Variants in ASPH observed in about 807,000 individuals in gnomAD.
The protein encoded by ASPH is aspartate beta-hydroxylase.
A neutral mutation model predicts 118.4 loss-of-function variants in ASPH; 100 were observed. The observed-to-expected ratio is 0.84, with a 90% confidence interval of 0.72 to 1.00. The LOEUF (loss-of-function observed/expected upper bound fraction) is 1.00. Ranked by LOEUF, ASPH falls within the 50% of genes least tolerant of loss-of-function variation. ASPH has a pLI of 0.00. For synonymous variants in ASPH, 315 were observed against 325.6 expected, an observed-to-expected ratio of 0.97 and a Z score of 0.35; for missense variants, 920 against 919.5, an observed-to-expected ratio of 1.00 and a Z score of -0.01.
At chr8:61,684,241 C>T (rs766105506) in intron 1 of ASPH, 53 bp from the exon 2 acceptor site, 1 of 1,513,770 alleles carries the variant, frequency 6.6e-7, no homozygotes, top group Non-Finnish European at 8.9e-7. Flanking sequence ...TTACTGAACA[C>T]TTATTCTCAC....
intron 13 of ASPH, among the ~76,000 whole-genome samples, chr8:61,619,978 G>A (rs754536115): frequency 1.3e-5 from 2 of 152,092 alleles, no homozygotes; most frequent in East Asian, 1.9e-4. Flanking sequence ...TCAGGGATGC[G>A]GTCAAGTGAA....
intron 14 of ASPH, among the ~76,000 whole-genome samples, chr8:61,615,232 C>G (rs534304440): frequency 2.4e-3 from 365 of 152,272 alleles, no homozygotes; most frequent in African/African-American, 7.8e-3. Context: ...CCCTGAGGAC[C>G]ATGAGAATGC....
chr8:61,660,730 T>C (rs1261164452), intron 3 of ASPH: 2 of 152,164 alleles, frequency 1.3e-5, no homozygotes, highest in Non-Finnish European at 2.9e-5. Flanking sequence ...CCAAAGAAAT[T>C]CTGGAGAACA....
chr8:61,665,634 A>G (rs1819195936), intron 3 of ASPH: 1 of 1,538,036 alleles, frequency 6.5e-7, no homozygotes, highest in African/African-American at 1.4e-5. Context: ...TAAAGGAAAA[A>G]ATGTTTATTG....
intron 3 of ASPH, chr8:61,665,194 T>C (rs1588906403): frequency 1.3e-6 from 2 of 1,520,836 alleles, no homozygotes; most frequent in Admixed American, 2.3e-5. Context: ...CCATGCTTTT[T>C]TGTAACAAAC....
chr8:61,651,423 C>A, intron 4 of ASPH: 1 of 259,522 alleles, frequency 3.9e-6, no homozygotes, highest in South Asian at 1.2e-4. Context: ...AGCAAAATGA[C>A]TTGTTTCTAA....
intron 14 of ASPH, 92 bp from the exon 15 acceptor site, chr8:61,584,121 C>T: frequency 1.3e-6 from 1 of 766,052 alleles, no homozygotes; most frequent in Admixed American, 3.0e-5. Flanking sequence ...AAACCTGATG[C>T]TGGTCTCCAC....
In ASPH at chr8:61,503,301, A is replaced by T; in HGVS notation, c.*58T>A. The T allele has an allele frequency of 6.5e-7, 1 of 1,544,278 alleles. No individual in the cohort carries two copies. The stretch of plus-strand genomic sequence containing the variant: ...CGAAATTCTATCCTCACACCCAAGG[A>T]GATGGAACCAGAAAGGCAGCCTCTC... On this transcript the variant is annotated 3_prime_UTR_variant, in exon 25 of 25. Transcript: ENST00000379454.
intron 16 of ASPH, among the ~76,000 whole-genome samples, chr8:61,570,520 A>T (rs1833166899): frequency 6.6e-6 from 1 of 152,222 alleles, no homozygotes; most frequent in Non-Finnish European, 1.5e-5. Flanking sequence ...GAGAGATAGT[A>T]TAATCTGTAT....
At chr8:61,515,538 C>G (rs1810587418) in intron 24 of ASPH, among the ~76,000 whole-genome samples, 1 of 152,160 alleles carries the variant, frequency 6.6e-6, no homozygotes, top group Non-Finnish European at 1.5e-5. Context: ...TCTCAAGCTT[C>G]CTCTAGAAGT....
intron 14 of ASPH, among the ~76,000 whole-genome samples, chr8:61,611,282 C>T (rs1356754216): frequency 6.6e-6 from 1 of 152,224 alleles, no homozygotes; most frequent in Non-Finnish European, 1.5e-5. Context: ...CTTGTATACT[C>T]TCATAATGCA....
chr8:61,614,780 G>A (rs1848503201), intron 14 of ASPH, among the ~76,000 whole-genome samples: 1 of 152,094 alleles, frequency 6.6e-6, no homozygotes, highest in Non-Finnish European at 1.5e-5. Flanking sequence ...ATTAGCCACT[G>A]TGCCTGGCCA....
intron 21 of ASPH, among the ~76,000 whole-genome samples, chr8:61,538,136 A>C (rs1055394820): frequency 1.3e-5 from 2 of 152,234 alleles, no homozygotes; most frequent in Admixed American, 1.3e-4. Context: ...AGATAAAAAA[A>C]CAAAAAACAA....
chr8:61,580,126 C>T (rs1240783604), intron 15 of ASPH, among the ~76,000 whole-genome samples: 1 of 152,022 alleles, frequency 6.6e-6, no homozygotes, highest in Admixed American at 6.6e-5. Context: ...AGGGTACAGT[C>T]CCCCTCCCAG....
intron 3 of ASPH, among the ~76,000 whole-genome samples, chr8:61,655,323 C>G (rs1392258439): frequency 6.6e-6 from 1 of 152,134 alleles, no homozygotes; most frequent in Non-Finnish European, 1.5e-5. Flanking sequence ...TACCAGAGAT[C>G]CGTATTTCTG....
intron 19 of ASPH, among the ~76,000 whole-genome samples, chr8:61,555,588 C>T (rs955563171): frequency 3.5e-4 from 53 of 152,270 alleles, no homozygotes; most frequent in African/African-American, 1.1e-3. Flanking sequence ...CCACCACACC[C>T]GGCCTATTGT....
At position 61,562,928 on chromosome 8, in the gene ASPH, T is replaced by C. The variant is rs751381891; in HGVS notation, c.1301-48A>G. On this transcript the variant is annotated intron_variant, in intron 17 of 24. Coordinates refer to ENST00000379454, the MANE Select transcript of ASPH (RefSeq NM_004318.4). ...AAAATAGAAATAAAAACAGATTATG[T>C]ACACTTTTGTATTGAGAATGTAAGT... The C allele has an allele frequency of 1.3e-5, 20 of 1,509,626 alleles. No individual in the cohort carries two copies. The Admixed American group carries it at 4.4e-4, about 33-fold the overall frequency. 93.5% of individuals were successfully genotyped at this position (1,509,626 alleles called of 1,614,324 possible). A position where few individuals can be genotyped will look rare whatever the true frequency, so the allele number is the denominator to read the frequency against.
chr8:61,526,867 G>A (rs1815567309), intron 21 of ASPH, among the ~76,000 whole-genome samples: 1 of 152,170 alleles, frequency 6.6e-6, no homozygotes, highest in Admixed American at 6.6e-5. Context: ...AGGGTGGGTA[G>A]GGGAGAAGGC....
chr8:61,682,347 T>C (rs1475768405), intron 2 of ASPH: 51 of 1,343,630 alleles, frequency 3.8e-5, no homozygotes, highest in Non-Finnish European at 5.2e-5. Flanking sequence ...ATCACTTATA[T>C]TCTGATGTAG....
Sources: allele counts gnomAD v4.1 joint callset (sites outside exome capture counted in the v4.1 genomes callset), GRCh38; gene constraint gnomAD v4.1.1; transcripts MANE v1.5; gene names NCBI Gene and HGNC (gene_info 2026-07-23, HGNC 2026-07-21).